The following KAT6A variants were observed in gnomAD, a reference collection of about 807,000 sequenced individuals.
KAT6A encodes histone acetyltransferase KAT6A.
Under a neutral mutation model 198.4 loss-of-function variants are expected in KAT6A, and 9 were observed. The observed-to-expected ratio is 0.05, with a 90% CI of 0.03 to 0.08. The LOEUF (loss-of-function observed/expected upper bound fraction) is 0.08, where lower values mean the gene tolerates loss of function less well. KAT6A is among the 10% of genes least tolerant of loss of function. The pLI, the probability that KAT6A is intolerant of heterozygous loss-of-function variation, is 1.00. For synonymous variants in KAT6A, 890 were observed against 883.0 expected (o/e 1.01, Z -0.14); for missense variants, 2,077 against 2,509.9 (o/e 0.83, Z 3.69).
At chr8:41,979,378 C>T (rs1235500341) in intron 5 of KAT6A, among the ~76,000 whole-genome samples, 3 of 151,792 alleles carry the variant, frequency 2.0e-5, no homozygotes, top group African/African-American at 7.3e-5. Flanking sequence ...GTGGCTCATG[C>T]CTGTAATCCC....
At chr8:42,045,562 C>T (rs369910845) in intron 2 of KAT6A, among the ~76,000 whole-genome samples, 2 of 74,064 alleles carry the variant, frequency 2.7e-5, no homozygotes, top group African/African-American at 9.5e-5. Context: ...AATTCCATCT[C>T]AAAAAAAAAA....
Position 41,930,015 on chromosome 8 carries a change from T to C in KAT6A, c.*2190A>G. The C allele has an allele frequency of 4.5e-6, 1 of 223,784 alleles. No individual in the cohort carries two copies. The highest frequency in any genetic ancestry group is 8.9e-6 in the Non-Finnish European group (1 of 112,042). 13.9% of individuals were successfully genotyped at this position (223,784 alleles called of 1,614,324 possible). A position where few individuals can be genotyped will look rare whatever the true frequency, so the allele number is the denominator to read the frequency against. ...AGTGAAAAAATGACAGGTACCAATA[T>C]TACTGTGTTGGATAATTTCTTTTAT... On this transcript the variant is annotated 3_prime_UTR_variant, in exon 17 of 17. Coordinates refer to ENST00000265713, the MANE Select transcript of KAT6A (RefSeq NM_006766.5).
At chr8:41,939,004 AAAG>A (rs970374616) in intron 15 of KAT6A, among the ~76,000 whole-genome samples, 19 of 152,180 alleles carry the variant, frequency 1.2e-4, no homozygotes, top group Middle Eastern at 3.4e-3. Flanking sequence ...AGGGAAACTA[AAAG>A]AAGGAGCTTC....
Position 41,932,881 on chromosome 8 carries a change from T to C in KAT6A, c.5339A>G (p.Tyr1780Cys), listed in dbSNP as rs61753681. The C allele has an allele frequency of 3.9e-5, 63 of 1,613,866 alleles. No homozygotes were observed. Among genetic ancestry groups the C allele is most frequent in the Non-Finnish European group, 5.2e-5 (61 of 1,180,012 alleles). ...ATTGGACAGAGAAACACTGGTTGCA[T>C]AGGAAGTCACAGCAGGAGAATGGCT... The part of the protein sequence containing the change: ...PYSHSPAVTS[Y>C]ATSVSLSNTG... The change falls in exon 17 of 17, where the codon TAT becomes TGT. Residue 1780 changes from tyrosine to cysteine, a missense_variant. Tyr to Cys is a radical substitution (Grantham distance 194, BLOSUM62 -2). Around this residue, in one of 13 missense-constraint regions of KAT6A, gnomAD observed 500 missense variants for 577.2 expected, o/e 0.87. Transcript: ENST00000265713.
Position 41,932,128 on chromosome 8 carries a change from AT to A in KAT6A, c.*76del. ...CAATATTTTAACTGGAAAAAGGTCCATTTTTCTCTGGTTTGTCAGTATAAAA... is the reference window on the plus strand; with the variant it reads ...CAATATTTTAACTGGAAAAAGGTCCATTTTCTCTGGTTTGTCAGTATAAAA... On this transcript the variant is annotated 3_prime_UTR_variant, in exon 17 of 17. Transcript: ENST00000265713. 8.0e-7 allele frequency: 1 copy of A among 1,256,074 alleles called. No homozygotes were observed. Among genetic ancestry groups the A allele is most frequent in the Non-Finnish European group, 1.0e-6 (1 of 976,990 alleles). 77.8% of individuals were successfully genotyped at this position (1,256,074 alleles called of 1,614,324 possible). A position where few individuals can be genotyped will look rare whatever the true frequency, so the allele number is the denominator to read the frequency against.
At chr8:42,046,027 A>G (rs1211313496) in intron 2 of KAT6A, among the ~76,000 whole-genome samples, 1 of 152,176 alleles carries the variant, frequency 6.6e-6, no homozygotes, top group Non-Finnish European at 1.5e-5. Flanking sequence ...AATGGTCTCA[A>G]CAAAGGTCCT....
intron 1 of KAT6A, chr8:42,049,806 T>A (rs941057799): frequency 3.3e-5 from 5 of 152,234 alleles, no homozygotes; most frequent in Non-Finnish European, 7.3e-5. Context: ...TGAGAAAATT[T>A]TAGTTCTTAC....
intron 2 of KAT6A, among the ~76,000 whole-genome samples, chr8:42,019,931 T>C (rs1308148750): frequency 1.3e-5 from 2 of 152,078 alleles, no homozygotes; most frequent in East Asian, 1.9e-4. Flanking sequence ...ACAAGACAAA[T>C]GACAATCACA....
At chr8:41,982,902 T>C (rs1238611479) in intron 3 of KAT6A, among the ~76,000 whole-genome samples, 5 of 152,194 alleles carry the variant, frequency 3.3e-5, no homozygotes, top group African/African-American at 4.8e-5. Context: ...TAGCACCATA[T>C]ACAGAGTTCG....
intron 8 of KAT6A, among the ~76,000 whole-genome samples, chr8:41,970,022 G>A (rs1024622427): frequency 3.3e-5 from 5 of 152,100 alleles, no homozygotes; most frequent in Non-Finnish European, 5.9e-5. Flanking sequence ...AGCCCAGCCC[G>A]TCAGAACCCC....
chr8:42,003,303 C>T (rs1465150054), intron 2 of KAT6A, among the ~76,000 whole-genome samples: 1 of 152,164 alleles, frequency 6.6e-6, no homozygotes, highest in East Asian at 1.9e-4. Context: ...CAGGGCAAGA[C>T]ATCTTTTTGA....
chr8:41,981,696 A>G, intron 4 of KAT6A, 143 bp downstream of exon 4: 1 of 607,130 alleles, frequency 1.6e-6, no homozygotes, highest in East Asian at 2.8e-5. Context: ...AACTAATGAC[A>G]TGTAGTTTAA....
intron 8 of KAT6A, among the ~76,000 whole-genome samples, chr8:41,972,248 G>T (rs1823830933): frequency 6.6e-6 from 1 of 152,104 alleles, no homozygotes; most frequent in Admixed American, 6.5e-5. Flanking sequence ...TTAATAAATG[G>T]CAAAGAAATG....
At chr8:41,945,687 T>C (rs988496184) in intron 12 of KAT6A, among the ~76,000 whole-genome samples, 1 of 152,108 alleles carries the variant, frequency 6.6e-6, no homozygotes, top group Non-Finnish European at 1.5e-5. Flanking sequence ...TAAAGGTATG[T>C]GCTACACATC....
At chr8:41,966,475 G>A (rs76164429) in intron 8 of KAT6A, among the ~76,000 whole-genome samples, 4 of 151,910 alleles carry the variant, frequency 2.6e-5, no homozygotes, top group African/African-American at 2.4e-5. Flanking sequence ...ATCTTGGAGC[G>A]TATCACTGGT....
chr8:42,009,915 C>CAAAAAAAAAAAAA (rs1216387598), intron 2 of KAT6A, among the ~76,000 whole-genome samples: 1 of 110,294 alleles, frequency 9.1e-6, no homozygotes, highest in African/African-American at 3.7e-5. Context: ...AAAAAAAAAA[C>CAAAAAAAAAAAAA]AAAAAAAAAC....
rs397725793 is a variant in KAT6A at position 41,989,562 on chromosome 8, T to TG, written c.601-2000_601-1999insC. Among the ~76,000 whole-genome samples, 42 of 152,018 alleles carry TG rather than the reference T, an allele frequency of 2.8e-4. 1 individual carries two copies. Among genetic ancestry groups the TG allele is most frequent in the African/African-American group, 6.0e-4 (25 of 41,438 alleles). On this transcript the variant is annotated intron_variant, in intron 2 of 16. Transcript: ENST00000265713. ...TGACGTGACGTGACGTGACGTGACGTAACATAACATAACTAAAATAAAAAA... is the reference window on the plus strand; with the variant it reads ...TGACGTGACGTGACGTGACGTGACGTGAACATAACATAACTAAAATAAAAAA...
chr8:42,029,359 A>G (rs1297426139), intron 2 of KAT6A, among the ~76,000 whole-genome samples: 3 of 152,126 alleles, frequency 2.0e-5, no homozygotes, highest in East Asian at 1.9e-4. Context: ...TATTTCAGTA[A>G]TAATTCTATG....
chr8:42,005,850 A>G (rs921323644), intron 2 of KAT6A, among the ~76,000 whole-genome samples: 9 of 152,092 alleles, frequency 5.9e-5, no homozygotes, highest in African/African-American at 2.2e-4. Flanking sequence ...AACTGCAGAA[A>G]AGGGAACTGC....
Sources: gnomAD v4.1 joint callset for allele counts (sites outside exome capture counted in the v4.1 genomes callset) on GRCh38, gnomAD v4.1.1 for gene constraint, gnomAD v4.1.1 regional missense constraint, MANE v1.5 for transcripts, NCBI Gene and HGNC (gene_info 2026-07-23, HGNC 2026-07-21) for gene names.